AKR1C4: variants seen among roughly 807,000 people sequenced by gnomAD.
AKR1C4 encodes the protein 3-alpha-HSD1.
AKR1C4 carries 44 observed loss-of-function variants against 41.0 expected under a neutral mutation model. That is an observed-to-expected ratio of 1.07 (90% CI 0.84 to 1.38). The LOEUF (loss-of-function observed/expected upper bound fraction) is 1.38. AKR1C4 is among the 40% of genes most tolerant of loss of function. AKR1C4 has a pLI of 0.00. For missense variants in AKR1C4, 438 were observed against 387.9 expected, an observed-to-expected ratio of 1.13 and a Z score of -1.09; for synonymous variants, 165 against 137.7, an observed-to-expected ratio of 1.20 and a Z score of -1.39.
intron 8 of AKR1C4, among the ~76,000 whole-genome samples, chr10:5,217,285 T>C (rs1340984927): frequency 6.6e-6 from 1 of 152,252 alleles, no homozygotes; most frequent in Non-Finnish European, 1.5e-5. Context: ...GTCAATTCAG[T>C]ATCTTTAATT....
intron 7 of AKR1C4, among the ~76,000 whole-genome samples, chr10:5,214,273 AT>A: frequency 6.6e-6 from 1 of 152,266 alleles, no homozygotes; most frequent in African/African-American, 2.4e-5. Flanking sequence ...CTTCACTGAC[AT>A]TTCCCCTCTT....
chr10:5,202,547 T>C (rs184407729), intron 2 of AKR1C4: 168 of 436,848 alleles, frequency 3.8e-4, no homozygotes, highest in Non-Finnish European at 3.6e-4. Context: ...CTATGTTTAA[T>C]AGAAGTGGTA....
At chr10:5,213,535 C>A (rs1411287798) in intron 7 of AKR1C4, among the ~76,000 whole-genome samples, 1 of 152,070 alleles carries the variant, frequency 6.6e-6, no homozygotes, top group Non-Finnish European at 1.5e-5. Flanking sequence ...TATATTTATT[C>A]TCTTAGAATT....
At chr10:5,212,525 T>C in intron 5 of AKR1C4, 91 bp from the exon 6 acceptor site, 1 of 1,167,832 alleles carries the variant, frequency 8.6e-7, no homozygotes, top group Non-Finnish European at 1.2e-6. Context: ...TGTTCAAATT[T>C]AATGTTATAC....
In AKR1C4 at chr10:5,206,382, G is replaced by C; in HGVS notation, c.555G>C (p.Lys185Asn). 6.2e-7 allele frequency: 1 copy of C among 1,614,066 alleles called. No homozygotes were observed. Among genetic ancestry groups the C allele is most frequent in the South Asian group, 1.1e-5 (1 of 91,072 alleles). The change falls in exon 5 of 9, where the codon AAG becomes AAC. Residue 185 changes from lysine to asparagine, a missense_variant. Lys to Asn is a moderately conservative substitution (Grantham distance 94, BLOSUM62 0). Coordinates refer to ENST00000263126, the MANE Select transcript of AKR1C4 (RefSeq NM_001818.5). ...TCAACAAGCCAGGACTCAAGTACAAGCCTGTCTGCAACCAGGTGAGCACCC... is the reference window on the plus strand; with the variant it reads ...TCAACAAGCCAGGACTCAAGTACAACCCTGTCTGCAACCAGGTGAGCACCC... ...MILNKPGLKYKPVCNQVECHP... is the reference protein window; with the variant it reads ...MILNKPGLKYNPVCNQVECHP...
intron 2 of AKR1C4, among the ~76,000 whole-genome samples, chr10:5,202,892 G>A (rs993561848): frequency 6.7e-6 from 1 of 149,590 alleles, no homozygotes; most frequent in African/African-American, 2.5e-5. Context: ...TTTTCTTGAG[G>A]ATTTTTACAT....
intron 5 of AKR1C4, among the ~76,000 whole-genome samples, chr10:5,211,034 G>A (rs1433639455): frequency 6.6e-6 from 1 of 152,210 alleles, no homozygotes; most frequent in Non-Finnish European, 1.5e-5. Context: ...TTTAGTCACG[G>A]CAGGAGTGAT....
chr10:5,207,738 TA>T (rs1832511216), intron 5 of AKR1C4: 1 of 478,784 alleles, frequency 2.1e-6, no homozygotes, highest in Non-Finnish European at 4.0e-6. Context: ...TGCAGTAATA[TA>T]AAAAGATGAA....
chr10:5,204,831 A>C (rs979231781), intron 3 of AKR1C4, among the ~76,000 whole-genome samples: 3 of 152,178 alleles, frequency 2.0e-5, no homozygotes, highest in Non-Finnish European at 2.9e-5. Context: ...CCCCAAAAAA[A>C]CTGCTGCACA....
rs1459533071 is a variant in AKR1C4 at position 5,216,737 on chromosome 10, G to A, written c.873G>A (p.Glu291=). The change falls in exon 8 of 9, where the codon GAG becomes GAA. Residue 291 remains glutamate, a synonymous_variant. Coordinates refer to ENST00000263126, the MANE Select transcript of AKR1C4 (RefSeq NM_001818.5). The part of the protein sequence containing the change: ...IQVFEFQLTS[E]DMKVLDGLNR... ...TTTTTGAATTCCAGTTGACATCAGA[G>A]GATATGAAAGTTCTAGATGGTCTAA... 3 of 1,611,902 alleles carry A rather than the reference G, an allele frequency of 1.9e-6. No homozygotes were observed. The highest frequency in any genetic ancestry group is 2.7e-5 in the African/African-American group (2 of 74,862).
intron 4 of AKR1C4, 23 bp downstream of exon 4, chr10:5,205,857 A>G: frequency 6.2e-7 from 1 of 1,601,324 alleles, no homozygotes; most frequent in East Asian, 2.2e-5. Context: ...AGGACAGAGT[A>G]CAGAAAAGGA....
rs539248713 is a variant in AKR1C4 at position 5,209,690 on chromosome 10, C to G, written c.571-2926C>G. ...AAGAAAGAGCTTGTGCAGGAAATCT[C>G]CTCCTTATAAAACCATCAGATCTCA... is the stretch of plus-strand genomic sequence containing the variant. On this transcript the variant is annotated intron_variant, in intron 5 of 8. Coordinates refer to ENST00000263126, the MANE Select transcript of AKR1C4 (RefSeq NM_001818.5). Among the ~76,000 whole-genome samples the G allele has an allele frequency of 1.5e-3, 235 of 152,252 alleles. 1 individual carries two copies. The highest frequency in any genetic ancestry group is 5.3e-3 in the African/African-American group (222 of 41,556).
chr10:5,210,129 C>A (rs576484178), intron 5 of AKR1C4, among the ~76,000 whole-genome samples: 6 of 152,264 alleles, frequency 3.9e-5, no homozygotes, highest in African/African-American at 1.4e-4. Flanking sequence ...AACAAAGGGG[C>A]TACATGACCC....
intron 5 of AKR1C4, 100 bp downstream of exon 5, chr10:5,206,497 C>T: frequency 6.4e-7 from 1 of 1,570,414 alleles, no homozygotes; most frequent in Non-Finnish European, 8.6e-7. Flanking sequence ...ATTTGTGAAA[C>T]AGAAGATTCT....
chr10:5,197,754 T>G (rs1450678176), intron 1 of AKR1C4, among the ~76,000 whole-genome samples: 1 of 152,214 alleles, frequency 6.6e-6, no homozygotes, highest in Non-Finnish European at 1.5e-5. Flanking sequence ...TGTCTAAATT[T>G]GATCAACTAT....
rs1554797493 is a variant in AKR1C4, at chr10:5,206,376, G to A, written c.549G>A (p.Lys183=). The change falls in exon 5 of 9, where the codon AAG becomes AAA. Residue 183 remains lysine (K), a synonymous_variant. Coordinates refer to ENST00000263126, the MANE Select transcript of AKR1C4 (RefSeq NM_001818.5). ...LEMILNKPGL[K]YKPVCNQVEC... ...TGATCCTCAACAAGCCAGGACTCAA[G>A]TACAAGCCTGTCTGCAACCAGGTGA... The A allele has an allele frequency of 8.7e-6, 14 of 1,614,064 alleles. No individual in the cohort carries two copies. The highest frequency in any genetic ancestry group is 7.7e-5 in the South Asian group (7 of 91,078).
At chr10:5,204,738 C>A in intron 3 of AKR1C4, 1 of 599,002 alleles carries the variant, frequency 1.7e-6, no homozygotes. Flanking sequence ...ACAACAGCCA[C>A]CTTCAAGGCT....
At chr10:5,198,426 A>T (rs1832344975) in intron 1 of AKR1C4, among the ~76,000 whole-genome samples, 1 of 152,168 alleles carries the variant, frequency 6.6e-6, no homozygotes, top group Non-Finnish European at 1.5e-5. Flanking sequence ...GGTTGTACAA[A>T]GTGTGGGGTT....
intron 6 of AKR1C4, 81 bp from the exon 7 acceptor site, chr10:5,212,913 G>A (rs1832600118): frequency 6.5e-7 from 1 of 1,534,626 alleles, no homozygotes; most frequent in Non-Finnish European, 8.8e-7. Context: ...GGTGCAGAAT[G>A]AACACCTTAG....
Sources: gnomAD v4.1 joint callset for allele counts (sites outside exome capture counted in the v4.1 genomes callset) on GRCh38, gnomAD v4.1.1 for gene constraint, MANE v1.5 for transcripts, NCBI Gene and HGNC (gene_info 2026-07-23, HGNC 2026-07-21) for gene names.